Variants in NOTCH2 observed in about 807,000 individuals in gnomAD.
NOTCH2 encodes neurogenic locus notch homolog protein 2.
Under a neutral mutation model 235.8 loss-of-function variants are expected in NOTCH2, and 29 were observed. The ratio of observed to expected loss-of-function variants is 0.12; its 90% CI spans 0.09 to 0.17. NOTCH2 has a LOEUF of 0.17. Ranked by LOEUF, NOTCH2 falls within the 10% of genes least tolerant of loss-of-function variation. NOTCH2 has a pLI of 1.00. For missense variants in NOTCH2, 2,285 were observed against 3,150.2 expected, an observed-to-expected ratio of 0.73 and a Z score of 6.57; for synonymous variants, 1,086 against 1,141.5, an observed-to-expected ratio of 0.95 and a Z score of 0.98.
At chr1:119,968,267 A>T (rs375190980) in intron 6 of NOTCH2, 35 bp from the exon 7 acceptor site, 5 of 1,608,500 alleles carry the variant, frequency 3.1e-6, no homozygotes, top group Non-Finnish European at 4.2e-6. Flanking sequence ...AACTAAGAGA[A>T]AATGTCTCTC....
intron 11 of NOTCH2, among the ~76,000 whole-genome samples, chr1:119,960,580 TA>T (rs1204013692): frequency 6.6e-6 from 1 of 152,006 alleles, no homozygotes; most frequent in African/African-American, 2.4e-5. Context: ...TTTGGTAGTT[TA>T]AAAAGACTAA....
intron 2 of NOTCH2, among the ~76,000 whole-genome samples, chr1:120,029,677 C>T (rs587723746): frequency 4.7e-5 from 7 of 150,526 alleles, no homozygotes; most frequent in African/African-American, 1.7e-4. Flanking sequence ...TAGCCACTCA[C>T]TGAAAAGTCT....
chr1:120,001,669 T>G (rs1652756924), intron 3 of NOTCH2, among the ~76,000 whole-genome samples: 1 of 152,146 alleles, frequency 6.6e-6, no homozygotes, highest in African/African-American at 2.4e-5. Flanking sequence ...ATGTTTGTCC[T>G]TACTGGAATA....
At chr1:119,988,182 GAC>G (rs1321455786) in intron 4 of NOTCH2, among the ~76,000 whole-genome samples, 1 of 152,256 alleles carries the variant, frequency 6.6e-6, no homozygotes, top group East Asian at 1.9e-4. Flanking sequence ...TTGTGAGTGG[GAC>G]ACACATCAAT....
At chr1:119,958,854 C>A (rs1201250480) in intron 12 of NOTCH2, among the ~76,000 whole-genome samples, 3 of 152,026 alleles carry the variant, frequency 2.0e-5, no homozygotes, top group African/African-American at 4.8e-5. Flanking sequence ...CTTTCTTCCT[C>A]CTGGGCAGAA....
intron 32 of NOTCH2, 58 bp downstream of exon 32, chr1:119,918,348 C>A (rs1230380059): frequency 1.1e-5 from 17 of 1,597,160 alleles, no homozygotes; most frequent in Non-Finnish European, 1.5e-5. Context: ...AACTCTATTC[C>A]CCTCGTCAGA....
chr1:119,986,837 C>T (rs1652038068), intron 5 of NOTCH2, 123 bp downstream of exon 5: 3 of 1,221,190 alleles, frequency 2.5e-6, no homozygotes, highest in Non-Finnish European at 3.6e-6. Flanking sequence ...GGAGATCCTG[C>T]TCAGTTCACA....
chr1:119,941,824 A>G, intron 17 of NOTCH2, 70 bp from the exon 18 acceptor site: 2 of 1,233,014 alleles, frequency 1.6e-6, no homozygotes, highest in Admixed American at 3.6e-5. Flanking sequence ...ATAAAAGTGA[A>G]TGACCTGAAC....
rs1366690814 is a variant in NOTCH2 at position 119,914,993 on chromosome 1, G to A, written c.*313C>T. 4 of 463,936 alleles carry A rather than the reference G, an allele frequency of 8.6e-6. No individual in the cohort carries two copies. The highest frequency in any genetic ancestry group is 1.6e-5 in the Non-Finnish European group (4 of 251,266). The allele number at this position is 463,936 out of a possible 1,614,324, so 28.7% of individuals were successfully genotyped here. On this transcript the variant is annotated 3_prime_UTR_variant, in exon 34 of 34. Coordinates refer to ENST00000256646, the MANE Select transcript of NOTCH2 (RefSeq NM_024408.4). The stretch of plus-strand genomic sequence containing the variant: ...GCTTAAAATGCAGTCCAAGCTGCAA[G>A]AATGTCTGGGCTTCAATAAGCATCC...
Position 119,940,659 on chromosome 1 carries a change from T to A in NOTCH2, c.3079A>T (p.Asn1027Tyr). 6.2e-7 allele frequency: 1 copy of A among 1,614,098 alleles called. No homozygotes were observed. The highest frequency in any genetic ancestry group is 8.5e-7 in the Non-Finnish European group (1 of 1,179,950). Residue 1027 changes from asparagine (N) to tyrosine (Y), a missense_variant, in exon 19 of 34, where the codon AAT (asparagine) becomes TAT (tyrosine). Coordinates refer to ENST00000256646, the MANE Select transcript of NOTCH2 (RefSeq NM_024408.4). ...FTGSFCLHEI[N>Y]ECSSHPCLNE... ...AGGCATGGATGAGAGCTGCATTCAT[T>A]GATCTCATGGAGGCAGAAGGATCCA...
rs749333544 is a variant in NOTCH2, at chr1:119,911,964, G to C, written c.*3342C>G. ...GGCTTTGTGGGATTCAGAAAGAAAAGAAAATTTGCTCTCTCAGCAAATTAT... is the reference window on the plus strand; with the variant it reads ...GGCTTTGTGGGATTCAGAAAGAAAACAAAATTTGCTCTCTCAGCAAATTAT... On this transcript the variant is annotated 3_prime_UTR_variant, in exon 34 of 34. Transcript: ENST00000256646. The C allele has an allele frequency of 4.3e-6, 1 of 233,248 alleles. No individual in the cohort carries two copies. The highest frequency in any genetic ancestry group is 8.5e-6 in the Non-Finnish European group (1 of 118,044). The allele number at this position is 233,248 out of a possible 1,614,324, so 14.4% of individuals were successfully genotyped here. A position where few individuals can be genotyped will look rare whatever the true frequency, so the allele number is the denominator to read the frequency against.
rs1238655052 is a variant in NOTCH2 at position 120,048,155 on chromosome 1, T to G, written c.74-18168A>C. Among the ~76,000 whole-genome samples, 3 of 144,630 alleles carry G rather than the reference T, an allele frequency of 2.1e-5. No individual in the cohort carries two copies. In the East Asian group the frequency reaches 6.0e-4, roughly 29 times the overall value. The allele number at this position is 144,630 out of a possible 152,430, so 94.9% of individuals were successfully genotyped here. ...ACATATAGTCCCATAGCCAAGAAAATAGTAGCTTACCAACATGTTTTACTG... is the reference window on the plus strand; with the variant it reads ...ACATATAGTCCCATAGCCAAGAAAAGAGTAGCTTACCAACATGTTTTACTG... On this transcript the variant is annotated intron_variant, in intron 1 of 33. Transcript: ENST00000256646.
At chr1:119,959,097 T>C (rs919420341) in intron 12 of NOTCH2, among the ~76,000 whole-genome samples, 2 of 152,180 alleles carry the variant, frequency 1.3e-5, no homozygotes, top group Non-Finnish European at 2.9e-5. Context: ...TCAATAAACA[T>C]AGCTTTGGAA....
chr1:119,923,044 G>A (rs1449644999), intron 26 of NOTCH2, among the ~76,000 whole-genome samples: 3 of 152,222 alleles, frequency 2.0e-5, no homozygotes, highest in East Asian at 1.9e-4. Context: ...GGCAATGCAT[G>A]ACAAAGTGAG....
In NOTCH2 at chr1:119,913,792, T is replaced by G. The variant is rs1029121035; in HGVS notation, c.*1514A>C. ...TTTCTACGTTAGTTGCCAAAGGGAA[T>G]GTCATGGCCGCTTCAGAGGAAAAGA... On this transcript the variant is annotated 3_prime_UTR_variant, in exon 34 of 34. Coordinates refer to ENST00000256646, the MANE Select transcript of NOTCH2 (RefSeq NM_024408.4). The G allele has an allele frequency of 1.7e-5, 4 of 232,994 alleles. No homozygotes were observed. The highest frequency in any genetic ancestry group is 8.8e-5 in the African/African-American group (4 of 45,334). 14.4% of individuals were successfully genotyped at this position (232,994 alleles called of 1,614,324 possible). A position where few individuals can be genotyped will look rare whatever the true frequency, so the allele number is the denominator to read the frequency against.
chr1:120,065,817 A>G (rs1446315702), intron 1 of NOTCH2, among the ~76,000 whole-genome samples: 3 of 152,240 alleles, frequency 2.0e-5, no homozygotes, highest in African/African-American at 7.2e-5. Flanking sequence ...AGGAAAATCA[A>G]TAGTTCAAAT....
chr1:119,999,157 C>T (rs1652609951), intron 3 of NOTCH2, among the ~76,000 whole-genome samples: 1 of 147,890 alleles, frequency 6.8e-6, no homozygotes, highest in Admixed American at 6.7e-5. Context: ...CATACGTGTG[C>T]ATGTGTCTTT....
chr1:119,972,018 T>A (rs1321865981), intron 5 of NOTCH2, among the ~76,000 whole-genome samples: 2 of 150,188 alleles, frequency 1.3e-5, no homozygotes, highest in Admixed American at 6.7e-5. Flanking sequence ...AATAAGAAAG[T>A]GAGAACACTG....
At chr1:120,036,979 G>T (rs1436631269) in intron 1 of NOTCH2, among the ~76,000 whole-genome samples, 2 of 152,086 alleles carry the variant, frequency 1.3e-5, no homozygotes, top group African/African-American at 4.8e-5. Context: ...AATTAAGTCT[G>T]TACTTCAGCC....
Sources: allele counts gnomAD v4.1 joint callset (sites outside exome capture counted in the v4.1 genomes callset), GRCh38; gene constraint gnomAD v4.1.1; transcripts MANE v1.5; gene names NCBI Gene and HGNC (gene_info 2026-07-23, HGNC 2026-07-21).